Variants in PCDHA1 observed in about 807,000 individuals in gnomAD.
The protein encoded by PCDHA1 is protocadherin alpha-1.
Under a neutral mutation model 61.3 loss-of-function variants are expected in PCDHA1, and 42 were observed. The observed-to-expected ratio is 0.69, with a 90% confidence interval of 0.54 to 0.89. PCDHA1 has a LOEUF of 0.89. PCDHA1 is among the 40% of genes least tolerant of loss of function. PCDHA1 has a pLI of 0.00. For missense variants in PCDHA1, 1,256 were observed against 1,235.3 expected (o/e 1.02, Z -0.25); for synonymous variants, 610 against 553.8 (o/e 1.10, Z -1.43).
rs2150152042 is a variant in PCDHA1, at chr5:140,828,184, C to G, written c.2394+39500C>G. On this transcript the variant is annotated intron_variant, in intron 1 of 3. Transcript: ENST00000504120. ...CCTGGAAGGTGGGGAGCGGCCAGCT[C>G]CACTACTCCGTACCCGAGGAGGCCA... 6.4e-5 allele frequency: 104 copies of G among 1,614,162 alleles called. 2 individuals carry two copies. In the South Asian group the frequency reaches 1.1e-3, roughly 18 times the overall value.
At chr5:140,969,342 G>A in intron 1 of PCDHA1, 1 of 1,613,630 alleles carries the variant, frequency 6.2e-7, no homozygotes, top group Non-Finnish European at 8.5e-7. Flanking sequence ...GTGAGACAGT[G>A]GTCAGGGGGT....
Position 140,788,153 on chromosome 5 carries a change from G to T in PCDHA1, c.1863G>T (p.Pro621=), listed in dbSNP as rs782127255. ...LQPAAGGARI[P]FRVGLYTGEI... ...CGGCAGCAGGCGGCGCGCGCATCCC[G>T]TTCCGCGTGGGGCTGTACACGGGCG... The change falls in exon 1 of 4, where the codon CCG becomes CCT. Residue 621 remains proline (P), a synonymous_variant. Transcript: ENST00000504120. 1.9e-5 allele frequency: 30 copies of T among 1,613,904 alleles called. No homozygotes were observed. The highest frequency in any genetic ancestry group is 1.9e-5 in the Non-Finnish European group (22 of 1,179,932).
In PCDHA1 at chr5:140,868,915, G is replaced by C. The variant is rs1164548445; in HGVS notation, c.2394+80231G>C. On this transcript the variant is annotated intron_variant, in intron 1 of 3. Coordinates refer to ENST00000504120, the MANE Select transcript of PCDHA1 (RefSeq NM_018900.4). ...GCAAGGTGTCGCTCTTTACTTGGTG[G>C]AAAGTTCATTTAAAGGTTGGTCTGA... The C allele has an allele frequency of 7.4e-6, 7 of 948,738 alleles. No individual in the cohort carries two copies. In the East Asian group the frequency reaches 1.6e-4, roughly 22 times the overall value. The allele number at this position is 948,738 out of a possible 1,614,324, so 58.8% of individuals were successfully genotyped here. A position where few individuals can be genotyped will look rare whatever the true frequency, so the allele number is the denominator to read the frequency against.
At chr5:140,832,778 A>G (rs1554133657) in intron 1 of PCDHA1, among the ~76,000 whole-genome samples, 1 of 152,222 alleles carries the variant, frequency 6.6e-6, no homozygotes, top group Non-Finnish European at 1.5e-5. Flanking sequence ...AAGAGGTGCT[A>G]GAAAGGTACA....
chr5:140,898,423 C>T (rs1257208141), intron 1 of PCDHA1, among the ~76,000 whole-genome samples: 1 of 152,106 alleles, frequency 6.6e-6, no homozygotes, highest in African/African-American at 2.4e-5. Flanking sequence ...GCCAGTTTTC[C>T]CAGCACCATT....
chr5:140,819,544 C>T (rs1389575775), intron 1 of PCDHA1, among the ~76,000 whole-genome samples: 2 of 152,036 alleles, frequency 1.3e-5, no homozygotes, highest in Non-Finnish European at 2.9e-5. Flanking sequence ...TAATCTGTAA[C>T]ATTTGATTGA....
intron 1 of PCDHA1, chr5:140,808,630 C>A: frequency 2.5e-6 from 4 of 1,613,606 alleles, no homozygotes; most frequent in Non-Finnish European, 2.5e-6. Flanking sequence ...CTGCGTGGGA[C>A]GCGGACGCGC....
At chr5:140,868,949 G>A (rs2050751465) in intron 1 of PCDHA1, 1 of 1,302,330 alleles carries the variant, frequency 7.7e-7, no homozygotes, top group Non-Finnish European at 1.0e-6. Context: ...GAACAGTGAG[G>A]CACTCCCATA....
chr5:140,976,244 A>G (rs996854178), intron 1 of PCDHA1, among the ~76,000 whole-genome samples: 1 of 152,160 alleles, frequency 6.6e-6, no homozygotes, highest in Non-Finnish European at 1.5e-5. Context: ...CATTTCATGT[A>G]AATTTATTTA....
Position 140,848,639 on chromosome 5 carries a change from C to A in PCDHA1, c.2394+59955C>A, listed in dbSNP as rs2150415771. 38 of 1,593,274 alleles carry A rather than the reference C, an allele frequency of 2.4e-5. 3 individuals carry two copies. Among genetic ancestry groups the A allele is most frequent in the Non-Finnish European group, 3.1e-5 (36 of 1,163,894 alleles). On this transcript the variant is annotated intron_variant, in intron 1 of 3. Coordinates refer to ENST00000504120, the MANE Select transcript of PCDHA1 (RefSeq NM_018900.4). ...AACACGGCACCTTCGTGGGCCGCAT[C>A]GCGCAGGACCTGGGGCTGGAGCTGG... is the stretch of plus-strand genomic sequence containing the variant.
intron 1 of PCDHA1, among the ~76,000 whole-genome samples, chr5:140,944,993 G>A (rs529303280): frequency 6.6e-5 from 10 of 152,054 alleles, no homozygotes; most frequent in African/African-American, 2.2e-4. Context: ...CTTCTGTAAC[G>A]GTTGTGGGTC....
rs1563652468 is a variant in PCDHA1, at chr5:141,000,419, A to ATTT, written c.2543-9207_2543-9206insTTT. 1.8e-3 allele frequency among the ~76,000 whole-genome samples: 107 copies of ATTT among 60,980 alleles called. 1 individual carries two copies. The highest frequency in any genetic ancestry group is 3.1e-3 in the African/African-American group (41 of 13,160). 40.0% of individuals were successfully genotyped at this position (60,980 alleles called of 152,430 possible). ...TCTATATATATATATATATATATAT[A>ATTT]TATTTTTTTTTTTTTTTTTTTTTTT... On this transcript the variant is annotated intron_variant, in intron 3 of 3. Transcript: ENST00000504120.
At chr5:140,804,280 T>C (rs1255280939) in intron 1 of PCDHA1, 1 of 152,170 alleles carries the variant, frequency 6.6e-6, no homozygotes, top group Non-Finnish European at 1.5e-5. Flanking sequence ...GAATTGCATC[T>C]TTGTTCATCT....
At chr5:140,788,846 T>G (rs2149898852) in intron 1 of PCDHA1, 162 bp downstream of exon 1, 1 of 1,393,742 alleles carries the variant, frequency 7.2e-7, no homozygotes, top group Non-Finnish European at 9.3e-7. Context: ...AGTTTTGTCT[T>G]GAATGGAACT....
chr5:140,994,786 T>C (rs1219918332), intron 3 of PCDHA1, among the ~76,000 whole-genome samples: 4 of 152,086 alleles, frequency 2.6e-5, no homozygotes, highest in Non-Finnish European at 5.9e-5. Context: ...AAGGAAACAA[T>C]GCGTGCATGC....
intron 1 of PCDHA1, among the ~76,000 whole-genome samples, chr5:140,799,271 A>G (rs1426583830): frequency 1.3e-5 from 2 of 152,116 alleles, no homozygotes; most frequent in African/African-American, 4.8e-5. Context: ...ACTCTGCTAT[A>G]AATTCTCATG....
In PCDHA1 at chr5:140,795,600, G is replaced by T. The variant is rs782666248; in HGVS notation, c.2394+6916G>T. ...AAACTGCTGAGGTTAATTTGTTACT[G>T]GTGGCTACTGATGGGGGCAAACCTG... On this transcript the variant is annotated intron_variant, in intron 1 of 3. Coordinates refer to ENST00000504120, the MANE Select transcript of PCDHA1 (RefSeq NM_018900.4). 26 of 1,614,168 alleles carry T rather than the reference G, an allele frequency of 1.6e-5. No individual in the cohort carries two copies. The South Asian group carries it at 2.4e-4, about 15-fold the overall frequency.
intron 1 of PCDHA1, among the ~76,000 whole-genome samples, chr5:140,950,427 C>T (rs393858): frequency 0.56 from 85,078 of 151,138 alleles, 24,477 homozygotes; most frequent in African/African-American, 0.69. Flanking sequence ...TTTTCTTCCA[C>T]TTAAAAAAAA....
At position 141,001,385 on chromosome 5, in the gene PCDHA1, T is replaced by A. The variant is rs540420313; in HGVS notation, c.2543-8242T>A. 3.9e-5 allele frequency among the ~76,000 whole-genome samples: 6 copies of A among 152,316 alleles called. No homozygotes were observed. The East Asian group carries it at 1.2e-3, about 29-fold the overall frequency. ...ACTATTCTGATTACAGAGCCTAAGA[T>A]CCTACAGAGAACAGGGAGTATATTT... On this transcript the variant is annotated intron_variant, in intron 3 of 3. Transcript: ENST00000504120.
Sources: gnomAD v4.1 joint callset for allele counts (sites outside exome capture counted in the v4.1 genomes callset) on GRCh38, gnomAD v4.1.1 for gene constraint, MANE v1.5 for transcripts, NCBI Gene and HGNC (gene_info 2026-07-23, HGNC 2026-07-21) for gene names.